The following ERC2 variants were observed in gnomAD, a reference collection of about 807,000 sequenced individuals.
The protein encoded by ERC2 is ELKS/RAB6-interacting/CAST family member 2, also known as ERC protein 2.
In ERC2, 42 loss-of-function variants were observed where a neutral mutation model predicts 114.8. The ratio of observed to expected loss-of-function variants is 0.37; its 90% CI spans 0.29 to 0.47. ERC2 has a LOEUF of 0.47. ERC2 is among the 20% of genes least tolerant of loss of function. The pLI, the probability that ERC2 is intolerant of heterozygous loss-of-function variation, is 0.99. For missense variants in ERC2, 939 were observed against 1,150.7 expected (o/e 0.82, Z 2.66); for synonymous variants, 454 against 425.5 (o/e 1.07, Z -0.82).
intron 3 of ERC2, among the ~76,000 whole-genome samples, chr3:56,268,395 CAT>C (rs1013126667): frequency 1.3e-5 from 2 of 152,078 alleles, no homozygotes; most frequent in Admixed American, 6.6e-5. Context: ...TTAAGCAACA[CAT>C]GATTGTGTAT....
intron 15 of ERC2, among the ~76,000 whole-genome samples, chr3:55,702,325 T>G (rs1448473132): frequency 6.6e-6 from 1 of 152,150 alleles, no homozygotes; most frequent in Non-Finnish European, 1.5e-5. Flanking sequence ...AGGCTTCTTT[T>G]GATTAGTCTG....
At chr3:55,583,387 TTTCCTTCCTTCTTTCCTTCCTTCC>T (rs2057370241) in intron 17 of ERC2, among the ~76,000 whole-genome samples, 3 of 127,766 alleles carry the variant, frequency 2.3e-5, no homozygotes, top group South Asian at 2.9e-4. Flanking sequence ...TCCTTCTTTC[TTTCCTTCCTTCTTTCCTTCCTTCC>T]TTCCTTCCTT....
chr3:56,281,436 C>CA (rs71099629), intron 3 of ERC2, among the ~76,000 whole-genome samples: 14,785 of 47,490 alleles, frequency 0.31, 4,081 homozygotes, highest in South Asian at 0.55. Context: ...GACTCCGTCT[C>CA]AAAAAAAAAA....
At chr3:56,354,329 A>G (rs905166890) in intron 2 of ERC2, among the ~76,000 whole-genome samples, 1 of 152,228 alleles carries the variant, frequency 6.6e-6, no homozygotes, top group Non-Finnish European at 1.5e-5. Flanking sequence ...CCACTGCCAC[A>G]TTCTTTTGGT....
chr3:55,718,702 C>G (rs1051423774), intron 15 of ERC2, among the ~76,000 whole-genome samples: 1 of 152,146 alleles, frequency 6.6e-6, no homozygotes, highest in Non-Finnish European at 1.5e-5. Flanking sequence ...CCATGCTCAG[C>G]GGAGTTATTA....
chr3:56,403,495 G>A (rs1286298444), intron 2 of ERC2, among the ~76,000 whole-genome samples: 1 of 152,206 alleles, frequency 6.6e-6, no homozygotes, highest in Non-Finnish European at 1.5e-5. Flanking sequence ...CATCCCTGCA[G>A]TGTTCCATTG....
intron 17 of ERC2, among the ~76,000 whole-genome samples, chr3:55,626,183 A>G (rs1242090431): frequency 1.3e-5 from 2 of 152,062 alleles, no homozygotes; most frequent in African/African-American, 2.4e-5. Flanking sequence ...TGCCTTTTTG[A>G]CCTTTGCAGA....
chr3:56,340,288 T>C (rs114466938), intron 2 of ERC2, among the ~76,000 whole-genome samples: 3,592 of 152,122 alleles, frequency 0.024, 43 homozygotes, highest in South Asian at 0.071. Context: ...TAGCTTAAAA[T>C]TAAATAAAGA....
At chr3:55,685,747 G>C (rs781441256) in intron 16 of ERC2, among the ~76,000 whole-genome samples, 11 of 152,244 alleles carry the variant, frequency 7.2e-5, no homozygotes, top group Middle Eastern at 3.4e-3. Flanking sequence ...AGCATAGAAG[G>C]ATGCTATGAT....
chr3:56,064,533 A>G (rs1338850008), intron 7 of ERC2, among the ~76,000 whole-genome samples: 3 of 152,238 alleles, frequency 2.0e-5, no homozygotes, highest in Non-Finnish European at 4.4e-5. Context: ...TGCTTCATTC[A>G]GACTTTATTC....
At chr3:56,267,116 A>G (rs1378939378) in intron 3 of ERC2, among the ~76,000 whole-genome samples, 1 of 152,190 alleles carries the variant, frequency 6.6e-6, no homozygotes, top group Non-Finnish European at 1.5e-5. Flanking sequence ...ACAGTTGAAC[A>G]TCCCAAATAC....
chr3:56,251,819 C>T (rs2150234419), intron 3 of ERC2, among the ~76,000 whole-genome samples: 1 of 152,322 alleles, frequency 6.6e-6, no homozygotes, highest in South Asian at 2.1e-4. Context: ...TGTATTCAGT[C>T]AGGGAAACTC....
At chr3:55,646,285 C>T (rs2060396504) in intron 17 of ERC2, among the ~76,000 whole-genome samples, 1 of 152,186 alleles carries the variant, frequency 6.6e-6, no homozygotes, top group Non-Finnish European at 1.5e-5. Context: ...TTCGTCATGT[C>T]TGAGCTGTCA....
At chr3:56,392,343 A>T (rs1207838735) in intron 2 of ERC2, among the ~76,000 whole-genome samples, 1 of 152,194 alleles carries the variant, frequency 6.6e-6, no homozygotes, top group Non-Finnish European at 1.5e-5. Context: ...AGTCAACTTC[A>T]TGGACTGTTT....
intron 7 of ERC2, among the ~76,000 whole-genome samples, chr3:56,063,320 A>C (rs2076326387): frequency 6.6e-6 from 1 of 152,362 alleles, no homozygotes; most frequent in East Asian, 1.9e-4. Flanking sequence ...TTGTTAAAAC[A>C]CATAGAACTG....
At chr3:56,028,530 T>A (rs555475791) in intron 7 of ERC2, among the ~76,000 whole-genome samples, 1 of 152,264 alleles carries the variant, frequency 6.6e-6, no homozygotes, top group South Asian at 2.1e-4. Context: ...TTCCTAAGTT[T>A]ACATCTACAT....
chr3:55,992,327 A>G (rs754319033), intron 10 of ERC2, 77 bp from the exon 11 acceptor site: 75 of 1,284,900 alleles, frequency 5.8e-5, no homozygotes, highest in Non-Finnish European at 7.9e-5. Flanking sequence ...CCAATGGTCC[A>G]GAAATTAACT....
intron 17 of ERC2, among the ~76,000 whole-genome samples, chr3:55,525,361 C>T (rs1196023632): frequency 6.6e-6 from 1 of 152,140 alleles, no homozygotes; most frequent in East Asian, 1.9e-4. Flanking sequence ...GACTTGCAGC[C>T]AGGTCAGGGG....
At chr3:55,596,243 A>G (rs2058121050) in intron 17 of ERC2, among the ~76,000 whole-genome samples, 1 of 152,234 alleles carries the variant, frequency 6.6e-6, no homozygotes, top group East Asian at 1.9e-4. Context: ...AGTAGGTCCA[A>G]ATAGATTAGT....
Sources: gnomAD v4.1 joint callset for allele counts (sites outside exome capture counted in the v4.1 genomes callset) on GRCh38, gnomAD v4.1.1 for gene constraint, MANE v1.5 for transcripts, NCBI Gene and HGNC (gene_info 2026-07-23, HGNC 2026-07-21) for gene names.